Variants in ADAM12 observed in about 807,000 individuals in gnomAD.
The protein encoded by ADAM12 is ADAM metallopeptidase domain 12, also known as disintegrin and metalloproteinase domain-containing protein 12.
Under a neutral mutation model 106.4 loss-of-function variants are expected in ADAM12, and 70 were observed. That is an observed-to-expected ratio of 0.66 (90% confidence interval 0.54 to 0.80). The LOEUF is 0.80. Among genes scored for constraint, ADAM12 ranks in the 30% least tolerant of loss-of-function variants. The pLI is 0.00. For synonymous variants in ADAM12, 420 were observed against 433.5 expected (o/e 0.97, Z 0.39); for missense variants, 1,010 against 1,171.9 (o/e 0.86, Z 2.02).
intron 1 of ADAM12, among the ~76,000 whole-genome samples, chr10:126,356,583 A>G (rs1185442742): frequency 2.0e-5 from 3 of 152,374 alleles, no homozygotes; most frequent in East Asian, 3.9e-4. Context: ...ATAGCATTAC[A>G]AAGATTCAGA....
chr10:126,183,801 G>A (rs1460548969), intron 3 of ADAM12, among the ~76,000 whole-genome samples: 2 of 152,126 alleles, frequency 1.3e-5, no homozygotes, highest in African/African-American at 4.8e-5. Flanking sequence ...GTCATGAATG[G>A]ATGGAAAAGT....
At chr10:126,261,018 TAAC>T (rs540330197) in intron 3 of ADAM12, among the ~76,000 whole-genome samples, 4 of 152,280 alleles carry the variant, frequency 2.6e-5, no homozygotes, top group Non-Finnish European at 5.9e-5. Flanking sequence ...ATATACAGGA[TAAC>T]AACTATTTAC....
intron 5 of ADAM12, among the ~76,000 whole-genome samples, chr10:126,125,949 C>A (rs76495340): frequency 6.6e-6 from 1 of 151,744 alleles, no homozygotes; most frequent in Admixed American, 6.6e-5. Flanking sequence ...CCACCCAAAG[C>A]GAGGAGGGAG....
chr10:126,118,661 T>G lies in ADAM12; in HGVS notation c.417-437A>C, dbSNP rs541705383. ...AGGGGTACAGTAGCCTTTGGTTACG[T>G]GGATAAATTGTGTAATGGTGAAGTC... On this transcript the variant is annotated intron_variant, in intron 5 of 22. Transcript: ENST00000448723. Among the ~76,000 whole-genome samples the G allele has an allele frequency of 3.9e-5, 6 of 152,334 alleles. No homozygotes were observed. The South Asian group carries it at 1.2e-3, about 32-fold the overall frequency.
chr10:126,195,237 G>T (rs981650527), intron 3 of ADAM12, among the ~76,000 whole-genome samples: 4 of 152,154 alleles, frequency 2.6e-5, no homozygotes, highest in Non-Finnish European at 5.9e-5. Flanking sequence ...TAAAAGAATA[G>T]ATTTTAAGTG....
At chr10:126,158,151 T>A (rs12784862) in intron 3 of ADAM12, among the ~76,000 whole-genome samples, 1 of 151,612 alleles carries the variant, frequency 6.6e-6, no homozygotes, top group African/African-American at 2.4e-5. Context: ...GGGACATGGG[T>A]GAAGCTGCAG....
intron 14 of ADAM12, among the ~76,000 whole-genome samples, chr10:126,060,692 G>C (rs553214740): frequency 6.6e-6 from 1 of 152,332 alleles, no homozygotes; most frequent in South Asian, 2.1e-4. Context: ...CTGGCCAGGG[G>C]CCTGGCTGAG....
rs140684692 is a variant in ADAM12, at chr10:126,189,560, A to G, written c.261-34255T>C. On this transcript the variant is annotated intron_variant, in intron 3 of 22. Coordinates refer to ENST00000448723, the MANE Select transcript of ADAM12 (RefSeq NM_001288973.2). Reference sequence around the variant, plus strand: ...TTTGAGTGCTGACTACGTGCCAGGCATGTGCTAAACATGCATTGCCATGTT... The same window carrying G: ...TTTGAGTGCTGACTACGTGCCAGGCGTGTGCTAAACATGCATTGCCATGTT... Among the ~76,000 whole-genome samples, 850 of 152,328 alleles carry G rather than the reference A, an allele frequency of 5.6e-3. 7 individuals are homozygous for G. Among genetic ancestry groups the G allele is most frequent in the South Asian group, 0.027 (131 of 4,832 alleles).
At chr10:126,300,243 T>C (rs928793838) in intron 2 of ADAM12, among the ~76,000 whole-genome samples, 1 of 152,154 alleles carries the variant, frequency 6.6e-6, no homozygotes, top group African/African-American at 2.4e-5. Context: ...AGCTCTAATG[T>C]GGCCCAGGAA....
rs1954230533 is a variant in ADAM12 at position 126,043,407 on chromosome 10, G to T, written c.1996-259C>A. On this transcript the variant is annotated intron_variant, in intron 17 of 22. Transcript: ENST00000448723. This position sits in a 1 kb window ranked among gnomAD's most constrained non-coding sequence, Gnocchi z 4.1. ...GAAGATTATTTGGGTTCATCAGCTT[G>T]CCTCCCCCACCCACCTCACTTCCTT... is the stretch of plus-strand genomic sequence containing the variant. Among the ~76,000 whole-genome samples, 1 of 152,148 alleles carries T rather than the reference G, an allele frequency of 6.6e-6. No individual in the cohort carries two copies. The highest frequency in any genetic ancestry group is 2.1e-4 in the South Asian group (1 of 4,824).
intron 3 of ADAM12, among the ~76,000 whole-genome samples, chr10:126,207,226 G>GA (rs2133830250): frequency 6.6e-6 from 1 of 152,302 alleles, no homozygotes; most frequent in South Asian, 2.1e-4. Flanking sequence ...AAGCTTGGGG[G>GA]AAACAATGGA....
intron 11 of ADAM12, among the ~76,000 whole-genome samples, chr10:126,083,920 G>A (rs1955285306): frequency 1.3e-5 from 2 of 152,236 alleles, no homozygotes; most frequent in South Asian, 4.1e-4. Flanking sequence ...GAAACAGAAA[G>A]TGACTGCCTT....
chr10:126,263,621 G>A (rs1320210110), intron 3 of ADAM12, among the ~76,000 whole-genome samples: 4 of 152,022 alleles, frequency 2.6e-5, no homozygotes, highest in Non-Finnish European at 5.9e-5. Flanking sequence ...GCGGGGAGGG[G>A]GGTGTATTTT....
chr10:126,338,485 C>T (rs1293117982), intron 1 of ADAM12, among the ~76,000 whole-genome samples: 4 of 151,932 alleles, frequency 2.6e-5, no homozygotes, highest in Non-Finnish European at 4.4e-5. Flanking sequence ...ATCTCCTGAC[C>T]TCGTGATCCG....
chr10:126,244,925 C>G (rs10794071), intron 3 of ADAM12, among the ~76,000 whole-genome samples: 148,343 of 152,328 alleles, frequency 0.97, 72,317 homozygotes, highest in East Asian at 1. Flanking sequence ...TGGCATTCCA[C>G]ACAAGAGAAC....
intron 3 of ADAM12, among the ~76,000 whole-genome samples, chr10:126,188,384 T>C (rs1219999067): frequency 6.6e-6 from 1 of 152,208 alleles, no homozygotes; most frequent in Admixed American, 6.5e-5. Flanking sequence ...TCTCATTCTG[T>C]TGCCCACACA....
At chr10:126,211,925 G>T (rs375932803) in intron 3 of ADAM12, among the ~76,000 whole-genome samples, 1 of 152,242 alleles carries the variant, frequency 6.6e-6, no homozygotes, top group African/African-American at 2.4e-5. Context: ...TCTGTTACTT[G>T]AAACAAATCT....
At chr10:126,097,863 A>G (rs1590404852) in intron 10 of ADAM12, among the ~76,000 whole-genome samples, 2 of 152,258 alleles carry the variant, frequency 1.3e-5, no homozygotes, top group East Asian at 3.8e-4. Context: ...TATATATGAC[A>G]AAATGGTCCT....
At chr10:126,071,721 CCCA>C in intron 11 of ADAM12, 67 bp from the exon 12 acceptor site, 2 of 1,556,208 alleles carry the variant, frequency 1.3e-6, no homozygotes, top group Non-Finnish European at 1.8e-6. Context: ...CCTTCTTGTG[CCCA>C]CAAGAAGGCA....
Sources: gnomAD v4.1 joint callset for allele counts (sites outside exome capture counted in the v4.1 genomes callset) on GRCh38, gnomAD v4.1.1 for gene constraint, Gnocchi (gnomAD v3.1) non-coding constraint, MANE v1.5 for transcripts, NCBI Gene and HGNC (gene_info 2026-07-23, HGNC 2026-07-21) for gene names.